The following SDK1 variants were observed in gnomAD, a reference collection of about 807,000 sequenced individuals.
The protein encoded by SDK1 is sidekick cell adhesion molecule 1, also known as protein sidekick-1.
In SDK1, 157 loss-of-function variants were observed where a neutral mutation model predicts 245.5. That is an observed-to-expected ratio of 0.64 (90% CI 0.56 to 0.73). SDK1 has a LOEUF of 0.73. Among genes scored for constraint, SDK1 ranks in the 30% least tolerant of loss-of-function variants. The pLI is 0.00. For synonymous variants in SDK1, 1,647 were observed against 1,278.5 expected (o/e 1.29, Z -6.15); for missense variants, 3,583 against 3,002.3 (o/e 1.19, Z -4.52).
intron 4 of SDK1, among the ~76,000 whole-genome samples, chr7:3,799,158 A>G (rs934323592): frequency 2.6e-5 from 4 of 152,022 alleles, no homozygotes; most frequent in Admixed American, 6.6e-5. Flanking sequence ...GGGCCTTTTT[A>G]TTACTTTTTT....
chr7:4,047,166 T>A (rs74788687), intron 17 of SDK1, among the ~76,000 whole-genome samples: 2,313 of 152,318 alleles, frequency 0.015, 123 homozygotes, highest in East Asian at 0.14. Context: ...AATTCCTACT[T>A]TGCTGAGAGG....
intron 1 of SDK1, among the ~76,000 whole-genome samples, chr7:3,329,701 A>G (rs1780021573): frequency 1.3e-5 from 2 of 152,304 alleles, no homozygotes; most frequent in Non-Finnish European, 2.9e-5. Flanking sequence ...ATGTATTACT[A>G]CAGTTGGTTC....
In SDK1 at chr7:3,737,816, A is replaced by C. The variant is rs140098211; in HGVS notation, c.714-83634A>C. ...TCCACCTTAGGCTCTCTTTTTCCCT[A>C]CTGGAAAAACATAGCTTAGGGGAAG... On this transcript the variant is annotated intron_variant, in intron 4 of 44. Transcript: ENST00000404826. Among the ~76,000 whole-genome samples, 449 of 152,224 alleles carry C rather than the reference A, an allele frequency of 2.9e-3. 3 individuals are homozygous for C. The highest frequency in any genetic ancestry group is 5.0e-3 in the Non-Finnish European group (341 of 67,998).
intron 1 of SDK1, among the ~76,000 whole-genome samples, chr7:3,430,927 A>G (rs953919074): frequency 1.1e-4 from 16 of 152,022 alleles, no homozygotes; most frequent in Non-Finnish European, 4.4e-5. Context: ...TTGAGATGGA[A>G]TCTCGCTCTG....
At chr7:3,364,407 C>T (rs929260264) in intron 1 of SDK1, among the ~76,000 whole-genome samples, 1 of 152,108 alleles carries the variant, frequency 6.6e-6, no homozygotes, top group Non-Finnish European at 1.5e-5. Flanking sequence ...TTTAAAAGTT[C>T]TGTAGTTTTA....
At chr7:3,619,484 C>T (rs527317565) in intron 2 of SDK1, among the ~76,000 whole-genome samples, 2 of 152,240 alleles carry the variant, frequency 1.3e-5, no homozygotes, top group East Asian at 1.9e-4. Context: ...AATTATCAGT[C>T]AACAAAAACC....
At chr7:3,466,214 T>C (rs1780995900) in intron 1 of SDK1, among the ~76,000 whole-genome samples, 1 of 151,758 alleles carries the variant, frequency 6.6e-6, no homozygotes, top group South Asian at 2.1e-4. Flanking sequence ...AGGGAGAGCC[T>C]TAGGAGTCCT....
At chr7:3,487,220 A>C (rs1583934193) in intron 1 of SDK1, among the ~76,000 whole-genome samples, 1 of 152,226 alleles carries the variant, frequency 6.6e-6, no homozygotes, top group Non-Finnish European at 1.5e-5. Context: ...AAATTTAGAT[A>C]TTAAGTTTAT....
intron 1 of SDK1, among the ~76,000 whole-genome samples, chr7:3,515,350 GACTTGGGAGGGC>G (rs1782711844): frequency 1.3e-5 from 2 of 152,186 alleles, no homozygotes; most frequent in Admixed American, 1.3e-4. Flanking sequence ...TGACCAGCAA[GACTTGGGAGGGC>G]ACAAATTACA....
At chr7:3,689,040 A>T (rs1784368927) in intron 4 of SDK1, among the ~76,000 whole-genome samples, 1 of 152,170 alleles carries the variant, frequency 6.6e-6, no homozygotes, top group South Asian at 2.1e-4. Flanking sequence ...TTTTATTGTA[A>T]CACAGCCACC....
intron 22 of SDK1, among the ~76,000 whole-genome samples, chr7:4,104,280 C>G (rs756293466): frequency 2.6e-5 from 4 of 152,232 alleles, no homozygotes; most frequent in South Asian, 2.1e-4. Context: ...AGGCTGGTCT[C>G]GAAGTCCTGG....
chr7:4,110,635 G>C (rs780901577), intron 22 of SDK1, 28 bp from the exon 23 acceptor site: 1 of 1,504,562 alleles, frequency 6.6e-7, no homozygotes, highest in East Asian at 2.3e-5. Context: ...GGCATGTCCA[G>C]CCCATCTCAG....
chr7:3,630,674 A>G (rs1360710180), intron 2 of SDK1, among the ~76,000 whole-genome samples: 1 of 152,210 alleles, frequency 6.6e-6, no homozygotes, highest in Non-Finnish European at 1.5e-5. Context: ...AAAAATCTGA[A>G]GTAAGGATAA....
chr7:4,007,424 G>T (rs957174016), intron 14 of SDK1, among the ~76,000 whole-genome samples: 1 of 152,096 alleles, frequency 6.6e-6, no homozygotes, highest in African/African-American at 2.4e-5. Flanking sequence ...CTCATCTACA[G>T]GAAGCCTCGG....
At chr7:3,848,128 G>A (rs746240400) in intron 5 of SDK1, among the ~76,000 whole-genome samples, 4 of 152,166 alleles carry the variant, frequency 2.6e-5, no homozygotes, top group Non-Finnish European at 4.4e-5. Context: ...CTGTTATGAT[G>A]ATAGTTCTTA....
At chr7:3,489,478 T>C (rs1416401637) in intron 1 of SDK1, among the ~76,000 whole-genome samples, 1 of 152,222 alleles carries the variant, frequency 6.6e-6, no homozygotes, top group African/African-American at 2.4e-5. Flanking sequence ...TTCTTTATAA[T>C]TCAGAATTTT....
chr7:3,518,495 AAAG>A lies in SDK1; in HGVS notation c.299-100582_299-100580del, dbSNP rs1006381999. On this transcript the variant is annotated intron_variant, in intron 1 of 44. Transcript: ENST00000404826. ...ACTTAAACATCTGAACAGAAAAAAA[AAAG>A]AAAGATTAAAAAATGAGCAAATGAT... Among the ~76,000 whole-genome samples, 14 of 151,846 alleles carry A rather than the reference AAAG, an allele frequency of 9.2e-5. No homozygotes were observed. In the East Asian group the frequency reaches 9.7e-4, roughly 10 times the overall value.
intron 1 of SDK1, among the ~76,000 whole-genome samples, chr7:3,335,474 T>C (rs1230924241): frequency 6.6e-6 from 1 of 152,154 alleles, no homozygotes; most frequent in Non-Finnish European, 1.5e-5. Context: ...GGTAGGAATG[T>C]TATTTTGCTT....
intron 40 of SDK1, among the ~76,000 whole-genome samples, chr7:4,225,366 C>G (rs752552690): frequency 2.6e-5 from 4 of 152,208 alleles, no homozygotes; most frequent in Non-Finnish European, 5.9e-5. Flanking sequence ...CCAGCCTGCT[C>G]GGACAAGCAC....
Sources: gnomAD v4.1 joint callset for allele counts (sites outside exome capture counted in the v4.1 genomes callset) on GRCh38, gnomAD v4.1.1 for gene constraint, MANE v1.5 for transcripts, NCBI Gene and HGNC (gene_info 2026-07-23, HGNC 2026-07-21) for gene names.